LYRM4: variants seen among roughly 807,000 people sequenced by gnomAD.
LYRM4 encodes LYR motif-containing protein 4.
A neutral mutation model predicts 11.7 loss-of-function variants in LYRM4; 9 were observed. The ratio of observed to expected loss-of-function variants is 0.77; its 90% CI spans 0.46 to 1.34. The LOEUF (loss-of-function observed/expected upper bound fraction) is 1.34. Ranked by LOEUF, LYRM4 falls within the 40% of genes most tolerant of loss-of-function variation. The pLI, the probability that LYRM4 is intolerant of heterozygous loss-of-function variation, is 0.00. For missense variants in LYRM4, 133 were observed against 112.5 expected, an observed-to-expected ratio of 1.18 and a Z score of -0.82; for synonymous variants, 42 against 40.4, an observed-to-expected ratio of 1.04 and a Z score of -0.15.
At chr6:5,137,633 C>G (rs1203928281) in intron 2 of LYRM4, among the ~76,000 whole-genome samples, 2 of 152,148 alleles carry the variant, frequency 1.3e-5, no homozygotes, top group African/African-American at 4.8e-5. Flanking sequence ...TAGTGATATG[C>G]CTCTATCTGT....
At chr6:5,158,377 A>T (rs895795621) in intron 2 of LYRM4, among the ~76,000 whole-genome samples, 5 of 151,862 alleles carry the variant, frequency 3.3e-5, no homozygotes, top group African/African-American at 1.2e-4. Context: ...TAATGATAAC[A>T]TTCTTTTCCA....
At chr6:5,065,006 AAAAC>A in the LYRM4 span, among the ~76,000 whole-genome samples, 61 of 152,174 alleles carry the variant, frequency 4.0e-4, no homozygotes, top group Non-Finnish European at 1.8e-4. Flanking sequence ...TCACTGCCCT[AAAAC>A]CTCTGTGCTC....
the LYRM4 span, among the ~76,000 whole-genome samples, chr6:5,034,942 G>T: frequency 2.0e-5 from 3 of 151,660 alleles, no homozygotes; most frequent in African/African-American, 7.3e-5. Flanking sequence ...TGCAGATCAG[G>T]AGGCTGTGGG....
At chr6:5,097,425 C>CCACCAGTCTAATATACCTATA in the LYRM4 span, among the ~76,000 whole-genome samples, 48 of 151,636 alleles carry the variant, frequency 3.2e-4, no homozygotes, top group Non-Finnish European at 5.0e-4. Flanking sequence ...CTCATGGCAG[C>CCACCAGTCTAATATACCTATA]TAAAGTGATG....
At chr6:5,225,036 G>A (rs1334859850) in intron 1 of LYRM4, among the ~76,000 whole-genome samples, 2 of 152,176 alleles carry the variant, frequency 1.3e-5, no homozygotes, top group African/African-American at 4.8e-5. Flanking sequence ...ATCACCTGAG[G>A]TCGGGAGTTT....
the LYRM4 span, among the ~76,000 whole-genome samples, chr6:5,041,114 G>A: frequency 3.9e-5 from 6 of 152,012 alleles, no homozygotes; most frequent in South Asian, 1.2e-3. Flanking sequence ...GCAGTGAGTG[G>A]AGATCACTCC....
intron 2 of LYRM4, among the ~76,000 whole-genome samples, chr6:5,176,309 C>T (rs954527713): frequency 3.9e-5 from 6 of 152,038 alleles, no homozygotes; most frequent in South Asian, 2.1e-4. Flanking sequence ...ATGATCCACC[C>T]GCCTCAGCCT....
chr6:5,081,143 G>A, the LYRM4 span, among the ~76,000 whole-genome samples: 6 of 134,200 alleles, frequency 4.5e-5, 1 homozygote, highest in Admixed American at 4.4e-4. Context: ...GCGGGGGGGG[G>A]GGGGGGGTAG....
At chr6:5,227,607 C>G (rs1013324432) in intron 1 of LYRM4, among the ~76,000 whole-genome samples, 16 of 152,104 alleles carry the variant, frequency 1.1e-4, no homozygotes, top group Admixed American at 2.0e-4. Flanking sequence ...CCAGAAATAC[C>G]ATTTGACCCA....
intron 2 of LYRM4, among the ~76,000 whole-genome samples, chr6:5,138,487 C>CAAAAAAAAAAAAAAAAAAAAA (rs765741377): frequency 6.0e-5 from 3 of 49,684 alleles, no homozygotes; most frequent in East Asian, 8.9e-4. Flanking sequence ...ACCCTGTCTC[C>CAAAAAAAAAAAAAAAAAAAAA]AAAAAAAAAA....
the LYRM4 span, among the ~76,000 whole-genome samples, chr6:5,061,669 T>G: frequency 2.6e-5 from 4 of 152,086 alleles, no homozygotes; most frequent in African/African-American, 4.8e-5. Flanking sequence ...ACAAAACCGA[T>G]CCATGACCAT....
the LYRM4 span, among the ~76,000 whole-genome samples, chr6:5,093,670 C>G: frequency 6.6e-6 from 1 of 152,210 alleles, no homozygotes; most frequent in Non-Finnish European, 1.5e-5. Context: ...GTTTCTATAA[C>G]AATTTGGCCC....
At chr6:5,129,198 C>A (rs867153088) in intron 2 of LYRM4, among the ~76,000 whole-genome samples, 1 of 152,178 alleles carries the variant, frequency 6.6e-6, no homozygotes, top group Non-Finnish European at 1.5e-5. Flanking sequence ...ATTGGGCTCG[C>A]GGGCTGCCCT....
chr6:5,151,023 A>T (rs1465774038), intron 2 of LYRM4, among the ~76,000 whole-genome samples: 2 of 151,166 alleles, frequency 1.3e-5, no homozygotes, highest in Non-Finnish European at 2.9e-5. Context: ...AGTGACCTTT[A>T]CTTATTTAAC....
the LYRM4 span, among the ~76,000 whole-genome samples, chr6:5,096,612 G>C: frequency 6.6e-6 from 1 of 152,148 alleles, no homozygotes; most frequent in Non-Finnish European, 1.5e-5. Context: ...GGACAGCCAG[G>C]CCTGCAGTTG....
chr6:5,248,444 A>G (rs1331416063), intron 1 of LYRM4, among the ~76,000 whole-genome samples: 1 of 152,260 alleles, frequency 6.6e-6, no homozygotes, highest in Non-Finnish European at 1.5e-5. Flanking sequence ...TTCAATGCCG[A>G]GGACCACGTT....
At chr6:5,059,546 A>G in the LYRM4 span, among the ~76,000 whole-genome samples, 2 of 152,126 alleles carry the variant, frequency 1.3e-5, no homozygotes, top group Non-Finnish European at 2.9e-5. Flanking sequence ...TTCTTGTCGC[A>G]GGAAGAGGAC....
intron 1 of LYRM4, chr6:5,240,827 A>C (rs1033725173): frequency 5.9e-5 from 9 of 152,284 alleles, no homozygotes; most frequent in Admixed American, 5.2e-4. Flanking sequence ...AGCTTCACTG[A>C]AACACCAGCA....
chr6:5,197,155 A>G (rs1320622339), intron 2 of LYRM4, among the ~76,000 whole-genome samples: 1 of 152,210 alleles, frequency 6.6e-6, no homozygotes, highest in South Asian at 2.1e-4. Context: ...GTCAACAGGA[A>G]TATCTAACAG....
Sources: gnomAD v4.1 joint callset for allele counts (sites outside exome capture counted in the v4.1 genomes callset) on GRCh38, gnomAD v4.1.1 for gene constraint, MANE v1.5 for transcripts, NCBI Gene and HGNC (gene_info 2026-07-23, HGNC 2026-07-21) for gene names.